The following FOXN3 variants were observed in gnomAD, a reference collection of about 807,000 sequenced individuals.
FOXN3 encodes the protein forkhead box protein N3.
In FOXN3, 7 loss-of-function variants were observed where a neutral mutation model predicts 38.4. The ratio of observed to expected loss-of-function variants is 0.18; its 90% CI spans 0.10 to 0.34. The LOEUF (loss-of-function observed/expected upper bound fraction) is 0.34, where lower values mean the gene tolerates loss of function less well. Among genes scored for constraint, FOXN3 ranks in the 10% least tolerant of loss-of-function variants. FOXN3 has a pLI of 1.00. For missense variants in FOXN3, 456 were observed against 613.4 expected (o/e 0.74, Z 2.71); for synonymous variants, 230 against 242.2 (o/e 0.95, Z 0.47).
chr14:89,343,844 C>T (rs1888689632), intron 3 of FOXN3, among the ~76,000 whole-genome samples: 1 of 152,040 alleles, frequency 6.6e-6, no homozygotes, highest in Non-Finnish European at 1.5e-5. Flanking sequence ...CTCACTGCAA[C>T]CTCCACCTCC....
chr14:89,530,535 T>G (rs548437420), intron 1 of FOXN3, among the ~76,000 whole-genome samples: 2 of 152,236 alleles, frequency 1.3e-5, no homozygotes, highest in South Asian at 2.1e-4. Context: ...AAGATAAGAT[T>G]TGGGTAGGGA....
chr14:89,616,893 T>C (rs1054127107), intron 1 of FOXN3, among the ~76,000 whole-genome samples: 12 of 152,244 alleles, frequency 7.9e-5, no homozygotes, highest in Admixed American at 2.0e-4. Context: ...GACCACATTT[T>C]TGGTTGTTGT....
At chr14:89,525,331 A>G (rs1894412239) in intron 1 of FOXN3, among the ~76,000 whole-genome samples, 1 of 152,178 alleles carries the variant, frequency 6.6e-6, no homozygotes, top group African/African-American at 2.4e-5. Flanking sequence ...CTCACTGCTC[A>G]TTATACACTA....
intron 1 of FOXN3, among the ~76,000 whole-genome samples, chr14:89,519,082 C>T (rs1894268301): frequency 2.0e-5 from 3 of 151,918 alleles, no homozygotes; most frequent in Admixed American, 1.3e-4. Context: ...GAACACGGTG[C>T]GCCTGCTCAA....
At chr14:89,224,142 C>G (rs1884556726) in intron 4 of FOXN3, among the ~76,000 whole-genome samples, 1 of 152,162 alleles carries the variant, frequency 6.6e-6, no homozygotes, top group Non-Finnish European at 1.5e-5. Flanking sequence ...CAAGGTGTAA[C>G]ATACTTATGA....
chr14:89,362,927 C>A (rs1156377723), intron 2 of FOXN3, among the ~76,000 whole-genome samples: 1 of 152,120 alleles, frequency 6.6e-6, no homozygotes, highest in African/African-American at 2.4e-5. Flanking sequence ...TCCCTGAACA[C>A]CGCTTGTAAA....
At chr14:89,228,107 C>A (rs147294145) in intron 4 of FOXN3, among the ~76,000 whole-genome samples, 2 of 152,190 alleles carry the variant, frequency 1.3e-5, no homozygotes. Flanking sequence ...AAAGCTGCAC[C>A]CAGCCTCCTA....
At chr14:89,480,796 A>G (rs920699431) in intron 1 of FOXN3, among the ~76,000 whole-genome samples, 12 of 152,332 alleles carry the variant, frequency 7.9e-5, no homozygotes, top group African/African-American at 2.4e-4. Context: ...AGACAGGATT[A>G]GAAATTTCCA....
At chr14:89,306,499 TG>T (rs1347348217) in intron 3 of FOXN3, among the ~76,000 whole-genome samples, 2 of 152,156 alleles carry the variant, frequency 1.3e-5, no homozygotes, top group African/African-American at 4.8e-5. Flanking sequence ...TCTGAGTAGC[TG>T]GGACTACAGG....
At chr14:89,572,214 G>A (rs866637608) in intron 1 of FOXN3, among the ~76,000 whole-genome samples, 1 of 152,208 alleles carries the variant, frequency 6.6e-6, no homozygotes, top group South Asian at 2.1e-4. Context: ...AGTTCCAGAT[G>A]TTTATAAAGA....
chr14:89,295,934 C>T (rs1412715140), intron 3 of FOXN3, among the ~76,000 whole-genome samples: 2 of 152,054 alleles, frequency 1.3e-5, no homozygotes, highest in East Asian at 1.9e-4. Context: ...ATAATTAAAT[C>T]TCTCACAAAG....
chr14:89,389,859 C>T (rs17125811), intron 2 of FOXN3, among the ~76,000 whole-genome samples: 29,974 of 151,946 alleles, frequency 0.2, 3,109 homozygotes, highest in South Asian at 0.38. Flanking sequence ...ACTCAAGGAA[C>T]AATAAGGCTC....
intron 2 of FOXN3, among the ~76,000 whole-genome samples, chr14:89,394,767 C>T (rs917859469): frequency 1.3e-5 from 2 of 152,172 alleles, no homozygotes; most frequent in Non-Finnish European, 2.9e-5. Context: ...TCCCGGGGTC[C>T]CATTAGCATT....
chr14:89,487,663 C>A (rs10135314), intron 1 of FOXN3, among the ~76,000 whole-genome samples: 1 of 152,122 alleles, frequency 6.6e-6, no homozygotes, highest in Admixed American at 6.5e-5. Context: ...AGTTAGGGAT[C>A]GCATCATGGA....
chr14:89,391,865 G>C (rs1890957532), intron 2 of FOXN3, among the ~76,000 whole-genome samples: 2 of 152,166 alleles, frequency 1.3e-5, no homozygotes, highest in South Asian at 4.1e-4. Context: ...AAATTAGCCA[G>C]GCATGGCGGC....
chr14:89,386,022 A>G (rs61984672), intron 2 of FOXN3, among the ~76,000 whole-genome samples: 1 of 152,222 alleles, frequency 6.6e-6, no homozygotes, highest in Non-Finnish European at 1.5e-5. Context: ...CTACTCTCCA[A>G]CAACTGAAAA....
chr14:89,168,725 G>A (rs527774629), intron 5 of FOXN3, among the ~76,000 whole-genome samples: 7 of 152,178 alleles, frequency 4.6e-5, no homozygotes, highest in Non-Finnish European at 1.0e-4. Context: ...GAATTTTCTA[G>A]TTTTGATGAC....
chr14:89,515,888 C>T (rs1053595178), intron 1 of FOXN3, among the ~76,000 whole-genome samples: 3 of 152,128 alleles, frequency 2.0e-5, no homozygotes, highest in Non-Finnish European at 2.9e-5. Context: ...CCCTTGGTGC[C>T]GGAGGAGCAT....
chr14:89,222,193 C>G lies in FOXN3; in HGVS notation c.746-41387G>C, dbSNP rs145383960. Among the ~76,000 whole-genome samples the G allele has an allele frequency of 1.4e-3, 210 of 152,324 alleles. 2 individuals carry two copies. The highest frequency in any genetic ancestry group is 4.8e-3 in the African/African-American group (201 of 41,574). On this transcript the variant is annotated intron_variant, in intron 4 of 5. Coordinates refer to ENST00000557258, the MANE Select transcript of FOXN3 (RefSeq NM_005197.4). ...CCATTGCTGTGGCACACAGAGCTCT[C>G]CAGAGCTGATGTCACCTGAGAAGTA...
Sources: allele counts gnomAD v4.1 joint callset (sites outside exome capture counted in the v4.1 genomes callset), GRCh38; gene constraint gnomAD v4.1.1; transcripts MANE v1.5; gene names NCBI Gene and HGNC (gene_info 2026-07-23, HGNC 2026-07-21).